The following LINC00305 variants were observed in gnomAD, a reference collection of about 807,000 sequenced individuals.
LINC00305 encodes the protein long intergenic non-protein coding RNA 305.
intron 1 of LINC00305, among the ~76,000 whole-genome samples, chr18:64,123,445 G>A (rs966205396): frequency 1.3e-5 from 2 of 151,764 alleles, no homozygotes; most frequent in Non-Finnish European, 2.9e-5. Context: ...ATCCAAAAAT[G>A]GCCTTCCTAT....
intron 3 of LINC00305, among the ~76,000 whole-genome samples, chr18:64,088,898 G>A (rs1433766976): frequency 1.3e-5 from 2 of 152,146 alleles, no homozygotes; most frequent in East Asian, 3.9e-4. Flanking sequence ...GGACAGGAAG[G>A]TGACCAAAAG....
At chr18:64,113,995 C>T (rs915696349) in intron 1 of LINC00305, among the ~76,000 whole-genome samples, 14 of 152,222 alleles carry the variant, frequency 9.2e-5, no homozygotes, top group African/African-American at 2.9e-4. Context: ...AATGGCTGGG[C>T]GCGTTGGCTC....
chr18:64,088,942 G>C (rs866375518), intron 3 of LINC00305, among the ~76,000 whole-genome samples: 1 of 152,132 alleles, frequency 6.6e-6, no homozygotes, highest in African/African-American at 2.4e-5. Flanking sequence ...CAACCTTAGG[G>C]CTGGGGCACA....
At chr18:64,146,060 T>C (rs1423425367) in intron 1 of LINC00305, among the ~76,000 whole-genome samples, 1 of 150,752 alleles carries the variant, frequency 6.6e-6, no homozygotes, top group Non-Finnish European at 1.5e-5. Context: ...CAGGCTATCT[T>C]AGTAATTAAA....
intron 1 of LINC00305, among the ~76,000 whole-genome samples, chr18:64,108,792 ATATATTTTTTCACT>A (rs998101195): frequency 6.6e-6 from 1 of 152,192 alleles, no homozygotes; most frequent in African/African-American, 2.4e-5. Context: ...TACTTTGATT[ATATATTTTTTCACT>A]TATCTGTCTG....
intron 3 of LINC00305, among the ~76,000 whole-genome samples, chr18:64,085,715 C>A (rs1166931597): frequency 6.6e-6 from 1 of 152,226 alleles, no homozygotes; most frequent in African/African-American, 2.4e-5. Flanking sequence ...CCCGCCTCTG[C>A]CTCCCAAAGT....
rs1191925842 is a variant in LINC00305, at chr18:64,116,659, C to A, written n.315-18019G>T. 2.0e-5 allele frequency among the ~76,000 whole-genome samples: 3 copies of A among 152,226 alleles called. No individual in the cohort carries two copies. In the East Asian group the frequency reaches 5.8e-4, roughly 29 times the overall value. On this transcript the variant is annotated intron_variant and non_coding_transcript_variant, in intron 1 of 3. Transcript: ENST00000666468. ...CTATGTGATGATGCTTTGACACATGCAGACATTGTGAGAGGATTGCCATGA... is the reference window on the plus strand; with the variant it reads ...CTATGTGATGATGCTTTGACACATGAAGACATTGTGAGAGGATTGCCATGA...
intron 1 of LINC00305, among the ~76,000 whole-genome samples, chr18:64,144,930 G>A (rs943421621): frequency 2.6e-5 from 4 of 152,198 alleles, no homozygotes; most frequent in African/African-American, 9.6e-5. Flanking sequence ...TGACCCTCGT[G>A]GAGAGCCTAT....
intron 2 of LINC00305, chr18:64,098,074 A>G (rs1207249025): frequency 2.2e-6 from 1 of 449,432 alleles, no homozygotes; most frequent in Non-Finnish European, 4.5e-6. Flanking sequence ...ATTACGTATT[A>G]TTGAATAAAG....
chr18:64,088,943 C>T (rs2051214544), intron 3 of LINC00305, among the ~76,000 whole-genome samples: 1 of 152,092 alleles, frequency 6.6e-6, no homozygotes, highest in Non-Finnish European at 1.5e-5. Flanking sequence ...AACCTTAGGG[C>T]TGGGGCACAA....
intron 3 of LINC00305, among the ~76,000 whole-genome samples, chr18:64,085,691 C>T (rs987389549): frequency 2.6e-5 from 4 of 152,164 alleles, no homozygotes; most frequent in African/African-American, 9.7e-5. Context: ...GAACTCCCAA[C>T]CTCAAGTGAT....
chr18:64,080,477 T>C (rs1191253997), intron 3 of LINC00305: 1 of 270,696 alleles, frequency 3.7e-6, no homozygotes, highest in Non-Finnish European at 7.7e-6. Context: ...TCCAAATTCA[T>C]ACATACCTAA....
intron 3 of LINC00305, among the ~76,000 whole-genome samples, chr18:64,084,466 C>T (rs186653200): frequency 1.2e-4 from 18 of 152,208 alleles, no homozygotes; most frequent in Admixed American, 5.9e-4. Flanking sequence ...GCACATGTAC[C>T]GCTGAACTTG....
chr18:64,082,831 C>T (rs1236730104), intron 3 of LINC00305, among the ~76,000 whole-genome samples: 1 of 152,000 alleles, frequency 6.6e-6, no homozygotes, highest in African/African-American at 2.4e-5. Flanking sequence ...TTAACTTCAC[C>T]TGTTCATTCT....
intron 1 of LINC00305, among the ~76,000 whole-genome samples, chr18:64,141,728 G>A (rs182007770): frequency 1.3e-5 from 2 of 152,130 alleles, no homozygotes; most frequent in East Asian, 1.9e-4. Context: ...AGAGTTCTTC[G>A]ATTCAATTCT....
intron 1 of LINC00305, among the ~76,000 whole-genome samples, chr18:64,104,467 T>C (rs2051281211): frequency 6.6e-6 from 1 of 152,224 alleles, no homozygotes. Flanking sequence ...TTCCTCCTCC[T>C]GAGAACCCAA....
At chr18:64,138,742 T>C (rs2051446937) in intron 1 of LINC00305, among the ~76,000 whole-genome samples, 1 of 152,194 alleles carries the variant, frequency 6.6e-6, no homozygotes, top group Admixed American at 6.5e-5. Flanking sequence ...CATGGCATAC[T>C]TAGTACTTAA....
chr18:64,098,090 G>C (rs1458179312), intron 2 of LINC00305: 2 of 434,396 alleles, frequency 4.6e-6, no homozygotes, highest in Non-Finnish European at 9.4e-6. Context: ...TAAAGGTACA[G>C]AGGCAAAGTT....
At chr18:64,145,433 G>T (rs1313503953) in intron 1 of LINC00305, among the ~76,000 whole-genome samples, 1 of 152,106 alleles carries the variant, frequency 6.6e-6, no homozygotes, top group Non-Finnish European at 1.5e-5. Context: ...GGCACCATGG[G>T]ACCAGAAGGC....
Sources: gnomAD v4.1 joint callset for allele counts (sites outside exome capture counted in the v4.1 genomes callset) on GRCh38, gnomAD v4.1.1 for gene constraint, MANE v1.5 for transcripts, NCBI Gene and HGNC (gene_info 2026-07-23, HGNC 2026-07-21) for gene names.